Variants in ICAM2 observed in about 807,000 individuals in gnomAD.
The protein encoded by ICAM2 is ICAM-2.
A neutral mutation model predicts 19.1 loss-of-function variants in ICAM2; 14 were observed. That is an observed-to-expected ratio of 0.73 (90% CI 0.48 to 1.15). The LOEUF (loss-of-function observed/expected upper bound fraction) is 1.15, where lower values mean the gene tolerates loss of function less well. Among genes scored for constraint, ICAM2 ranks in the 50% most tolerant of loss-of-function variants. ICAM2 has a pLI of 0.00. For missense variants in ICAM2, 311 were observed against 355.4 expected (o/e 0.88, Z 1.00); for synonymous variants, 153 against 152.7 (o/e 1.00, Z -0.01).
At chr17:64,012,627 T>C (rs548394508) in intron 1 of ICAM2, among the ~76,000 whole-genome samples, 21 of 152,276 alleles carry the variant, frequency 1.4e-4, no homozygotes, top group African/African-American at 4.8e-4. Flanking sequence ...TTAAAATGTT[T>C]ACACAACATT....
intron 1 of ICAM2, among the ~76,000 whole-genome samples, chr17:64,014,330 G>GGAAGGAAGGAAGGAAGGAAA (rs1219763465): frequency 6.4e-5 from 2 of 31,152 alleles, no homozygotes; most frequent in African/African-American, 1.1e-4. Flanking sequence ...AAGGAAGGAA[G>GGAAGGAAGGAAGGAAGGAAA]GAAAGAAAGA....
At chr17:64,012,487 C>A (rs1654320278) in intron 1 of ICAM2, among the ~76,000 whole-genome samples, 1 of 152,082 alleles carries the variant, frequency 6.6e-6, no homozygotes, top group Admixed American at 6.6e-5. Flanking sequence ...GTAATCCTAG[C>A]TACTCGGGTG....
At chr17:64,014,714 GAAGGAAGGAAGAAAGAAAGA>G (rs1443679062) in intron 1 of ICAM2, among the ~76,000 whole-genome samples, 4,482 of 17,152 alleles carry the variant, frequency 0.26, 88 homozygotes, top group Non-Finnish European at 0.42. Context: ...AGGAAGGAAG[GAAGGAAGGAAGAAAGAAAGA>G]AAGAAAGAAA....
In ICAM2 at chr17:64,003,983, G is replaced by A. The variant is rs1166373990; in HGVS notation, c.329-19C>T. ...GGAGGCTCTGCAGGGGACAAAGGAG[G>A]GAGGTCTGGTCAGGATGGGGGTGCA... On this transcript the variant is annotated intron_variant, in intron 3 of 4. Coordinates refer to ENST00000579788, the MANE Select transcript of ICAM2 (RefSeq NM_001099789.2). The A allele has an allele frequency of 2.5e-6, 4 of 1,583,952 alleles. No homozygotes were observed. In the East Asian group the frequency reaches 9.2e-5, roughly 36 times the overall value.
At chr17:64,019,384 T>C (rs1272517895) in intron 1 of ICAM2, among the ~76,000 whole-genome samples, 1 of 143,012 alleles carries the variant, frequency 7.0e-6, no homozygotes, top group African/African-American at 2.6e-5. Flanking sequence ...AAATATAGTG[T>C]GACCCCATCT....
chr17:64,002,988 G>T, intron 4 of ICAM2, 63 bp from the exon 5 acceptor site: 1 of 1,511,566 alleles, frequency 6.6e-7, no homozygotes, highest in Non-Finnish European at 9.0e-7. Context: ...GGACCAAAAG[G>T]GAGTGGAAGT....
chr17:64,005,010 C>T, intron 3 of ICAM2, 97 bp downstream of exon 3: 1 of 1,401,244 alleles, frequency 7.1e-7, no homozygotes, highest in Non-Finnish European at 1.0e-6. Flanking sequence ...CCCACGATGA[C>T]AGTGCCCAGG....
At chr17:64,015,269 T>C (rs1019866122) in intron 1 of ICAM2, among the ~76,000 whole-genome samples, 5 of 152,180 alleles carry the variant, frequency 3.3e-5, no homozygotes, top group African/African-American at 1.2e-4. Flanking sequence ...ACATTTTATG[T>C]TATGTGTATT....
At position 64,014,700 on chromosome 17, in the gene ICAM2, AG is replaced by A. The variant is rs1455511830; in HGVS notation, c.-45+5822del. On this transcript the variant is annotated intron_variant, in intron 1 of 4. Transcript: ENST00000579788. Reference sequence around the variant, plus strand: ...AAGAAAGGAAGGAAGGAAGGAAGGAAGGAAGGAAGGAAGGAAGGAAGGAAGA... The same window carrying A: ...AAGAAAGGAAGGAAGGAAGGAAGGAAGAAGGAAGGAAGGAAGGAAGGAAGA... Among the ~76,000 whole-genome samples the A allele has an allele frequency of 2.5e-3, 70 of 27,742 alleles. 1 individual carries two copies. Among genetic ancestry groups the A allele is most frequent in the African/African-American group, 4.3e-3 (65 of 15,110 alleles). The allele number at this position is 27,742 out of a possible 152,430, so 18.2% of individuals were successfully genotyped here.
chr17:64,016,130 C>T (rs1911709572), intron 1 of ICAM2, among the ~76,000 whole-genome samples: 1 of 152,120 alleles, frequency 6.6e-6, no homozygotes, highest in Non-Finnish European at 1.5e-5. Flanking sequence ...TATTAGAGGC[C>T]AGTTTCACTC....
rs1320226442 is a variant in ICAM2, at chr17:64,014,407, G to GGA, written c.-45+6115_-45+6116insTC. Among the ~76,000 whole-genome samples, 43 of 47,314 alleles carry GGA rather than the reference G, an allele frequency of 9.1e-4. 1 individual carries two copies. The East Asian group carries it at 0.025, about 28-fold the overall frequency. 31.0% of individuals were successfully genotyped at this position (47,314 alleles called of 152,430 possible). A position where few individuals can be genotyped will look rare whatever the true frequency, so the allele number is the denominator to read the frequency against. On this transcript the variant is annotated intron_variant, in intron 1 of 4. Coordinates refer to ENST00000579788, the MANE Select transcript of ICAM2 (RefSeq NM_001099789.2). ...AGGAAGGAAGGAAGGAAGGAAGGAA[G>GGA]AGAAAGAGAAAGAAAGGAAGGAAGG...
chr17:64,006,829 G>A (rs1182814641), intron 1 of ICAM2, 94 bp from the exon 2 acceptor site: 1 of 749,648 alleles, frequency 1.3e-6, no homozygotes, highest in Non-Finnish European at 2.2e-6. Flanking sequence ...TTATCTGAGA[G>A]ATCTTTGGGA....
Position 64,006,742 on chromosome 17 carries a change from G to A in ICAM2, c.-44-7C>T, listed in dbSNP as rs1252095656. The A allele has an allele frequency of 1.3e-6, 2 of 1,548,012 alleles. No homozygotes were observed. The highest frequency in any genetic ancestry group is 4.5e-5 in the East Asian group (2 of 44,438). ...GGGACCAGCCAAGGGCTGCCTGGAG[G>A]GAGATGGTGGGCGCAGGTCTGAGCT... On this transcript the variant is annotated splice_region_variant and splice_polypyrimidine_tract_variant and intron_variant, in intron 1 of 4. Transcript: ENST00000579788.
At chr17:64,012,776 A>G (rs556404410) in intron 1 of ICAM2, among the ~76,000 whole-genome samples, 11 of 152,310 alleles carry the variant, frequency 7.2e-5, no homozygotes, top group Non-Finnish European at 1.2e-4. Context: ...TGTAGGTTAT[A>G]CGAAAATGCT....
intron 1 of ICAM2, among the ~76,000 whole-genome samples, chr17:64,020,167 C>G (rs1437103270): frequency 6.6e-6 from 1 of 151,836 alleles, no homozygotes; most frequent in Non-Finnish European, 1.5e-5. Flanking sequence ...CCCTCTGCAT[C>G]AGCTCAGATG....
intron 2 of ICAM2, 148 bp from the exon 3 acceptor site, chr17:64,005,521 G>T: frequency 2.2e-6 from 2 of 902,422 alleles, no homozygotes; most frequent in Non-Finnish European, 1.6e-6. Context: ...CCCTTGTCAG[G>T]TGTCATGGCC....
At chr17:64,004,653 A>G (rs1310568294) in intron 3 of ICAM2, 1 of 235,298 alleles carries the variant, frequency 4.2e-6, no homozygotes, top group South Asian at 6.8e-5. Context: ...GAAGGTTTTC[A>G]TGGCTCATGT....
intron 1 of ICAM2, among the ~76,000 whole-genome samples, chr17:64,018,823 G>A (rs915387131): frequency 2.7e-5 from 4 of 147,606 alleles, no homozygotes; most frequent in Non-Finnish European, 5.9e-5. Context: ...CCGGGTTCGA[G>A]CTATTCTCCT....
intron 2 of ICAM2, 112 bp downstream of exon 2, chr17:64,006,519 G>A (rs1335204910): frequency 1.2e-6 from 1 of 867,070 alleles, no homozygotes; most frequent in Non-Finnish European, 1.8e-6. Flanking sequence ...AAAAACCTAA[G>A]AACCTCAGCA....
Sources: allele counts gnomAD v4.1 joint callset (sites outside exome capture counted in the v4.1 genomes callset), GRCh38; gene constraint gnomAD v4.1.1; transcripts MANE v1.5; gene names NCBI Gene and HGNC (gene_info 2026-07-23, HGNC 2026-07-21).